Variants in HPSE2 observed in about 807,000 individuals in gnomAD.
HPSE2 encodes heparanase 2 (inactive), also known as inactive heparanase-2.
HPSE2 carries 38 observed loss-of-function variants against 60.5 expected under a neutral mutation model. The observed-to-expected ratio is 0.63, with a 90% CI of 0.48 to 0.82. The LOEUF (loss-of-function observed/expected upper bound fraction) is 0.82, where lower values mean the gene tolerates loss of function less well. Among genes scored for constraint, HPSE2 ranks in the 40% least tolerant of loss-of-function variants. HPSE2 has a pLI of 0.00. For missense variants in HPSE2, 713 were observed against 740.4 expected, an observed-to-expected ratio of 0.96 and a Z score of 0.43; for synonymous variants, 295 against 293.2, an observed-to-expected ratio of 1.01 and a Z score of -0.06.
chr10:98,947,710 G>A lies in HPSE2; in HGVS notation c.610+196528C>T, dbSNP rs1955228658. Among the ~76,000 whole-genome samples the A allele has an allele frequency of 2.1e-5, 3 of 142,620 alleles. No homozygotes were observed. The South Asian group carries it at 7.1e-4, about 34-fold the overall frequency. The allele number at this position is 142,620 out of a possible 152,430, so 93.6% of individuals were successfully genotyped here. On this transcript the variant is annotated intron_variant, in intron 3 of 11. Coordinates refer to ENST00000370552, the MANE Select transcript of HPSE2 (RefSeq NM_021828.5). Reference sequence around the variant, plus strand: ...TTGGTGTAAATACAGTAGGGTTTATGAACAGGACTGCCCCTATCTATGAAG... The same window carrying A: ...TTGGTGTAAATACAGTAGGGTTTATAAACAGGACTGCCCCTATCTATGAAG...
At chr10:99,303,618 C>A in the HPSE2 span, among the ~76,000 whole-genome samples, 6 of 152,280 alleles carry the variant, frequency 3.9e-5, no homozygotes, top group Admixed American at 2.6e-4. Context: ...TGGGTACACC[C>A]GTCCAGGATT....
At chr10:98,778,659 G>A (rs534897082) in intron 3 of HPSE2, among the ~76,000 whole-genome samples, 7 of 152,258 alleles carry the variant, frequency 4.6e-5, no homozygotes, top group South Asian at 4.1e-4. Flanking sequence ...AATGGATGCC[G>A]AGGCAATGCA....
intron 3 of HPSE2, among the ~76,000 whole-genome samples, chr10:99,077,279 T>C (rs1335392350): frequency 6.6e-6 from 1 of 152,194 alleles, no homozygotes; most frequent in African/African-American, 2.4e-5. Context: ...TTTTCAGCCA[T>C]TACTTCTTTG....
intron 9 of HPSE2, among the ~76,000 whole-genome samples, chr10:98,542,662 C>T (rs372742314): frequency 0.037 from 5,573 of 151,048 alleles, 278 homozygotes; most frequent in African/African-American, 0.13. Context: ...AACCAAGGCT[C>T]GAGAACTACG....
At chr10:98,891,657 T>G (rs1279094628) in intron 3 of HPSE2, among the ~76,000 whole-genome samples, 1 of 152,152 alleles carries the variant, frequency 6.6e-6, no homozygotes, top group Non-Finnish European at 1.5e-5. Context: ...GGTCTCACTG[T>G]GTTGCCCAAG....
chr10:98,638,139 A>AAT (rs1946546507), intron 7 of HPSE2, among the ~76,000 whole-genome samples: 1 of 125,460 alleles, frequency 8.0e-6, no homozygotes, highest in Non-Finnish European at 1.6e-5. Context: ...ACCCATCTCA[A>AAT]AAAAAAAAAA....
In HPSE2 at chr10:98,694,055, G is replaced by C. The variant is rs977262943; in HGVS notation, c.957-108C>G. ...ATTAGACCAATCCTTAAGCAGGTAT[G>C]CTTTCTGAGAGGATCCTCCATAGCC... On this transcript the variant is annotated intron_variant, in intron 5 of 11. Coordinates refer to ENST00000370552, the MANE Select transcript of HPSE2 (RefSeq NM_021828.5). 3 of 899,238 alleles carry C rather than the reference G, an allele frequency of 3.3e-6. No individual in the cohort carries two copies. The African/African-American group carries it at 4.9e-5, about 15-fold the overall frequency. 55.7% of individuals were successfully genotyped at this position (899,238 alleles called of 1,614,324 possible). A position where few individuals can be genotyped will look rare whatever the true frequency, so the allele number is the denominator to read the frequency against.
chr10:98,688,568 C>T (rs939029892), intron 6 of HPSE2, among the ~76,000 whole-genome samples: 3 of 148,628 alleles, frequency 2.0e-5, no homozygotes, highest in Non-Finnish European at 3.0e-5. Context: ...CTCCGCCTCT[C>T]GGGTTCAAGT....
intron 5 of HPSE2, among the ~76,000 whole-genome samples, chr10:98,719,950 G>A (rs943467656): frequency 6.6e-6 from 1 of 151,896 alleles, no homozygotes; most frequent in East Asian, 1.9e-4. Context: ...GCAGTGAGCC[G>A]AGATCATGCC....
chr10:98,984,494 G>T (rs191521277), intron 3 of HPSE2, among the ~76,000 whole-genome samples: 1 of 152,112 alleles, frequency 6.6e-6, no homozygotes, highest in African/African-American at 2.4e-5. Context: ...CCATCTGTAC[G>T]TCACCATCAT....
intron 3 of HPSE2, among the ~76,000 whole-genome samples, chr10:98,966,395 C>G (rs567150802): frequency 2.0e-5 from 3 of 152,260 alleles, no homozygotes; most frequent in East Asian, 1.9e-4. Context: ...AGAGAAGCAG[C>G]ATAAGGTGGC....
Position 98,844,085 on chromosome 10 carries a change from A to G in HPSE2, c.611-100029T>C, listed in dbSNP as rs1242065251. The stretch of plus-strand genomic sequence containing the variant: ...CAATATTGAACGTGATTCTACTTCT[A>G]AGCTATGTGGCCTTGGGCAAGTCAC... On this transcript the variant is annotated intron_variant, in intron 3 of 11. Transcript: ENST00000370552. Among the ~76,000 whole-genome samples the G allele has an allele frequency of 3.9e-5, 6 of 152,064 alleles. 1 individual carries two copies. Among genetic ancestry groups the G allele is most frequent in the Non-Finnish European group, 7.4e-5 (5 of 68,010 alleles).
chr10:99,091,498 G>A (rs1359749274), intron 3 of HPSE2, among the ~76,000 whole-genome samples: 1 of 151,966 alleles, frequency 6.6e-6, no homozygotes, highest in Non-Finnish European at 1.5e-5. Context: ...TTTTTTAAAA[G>A]CCCAGCCACT....
chr10:98,856,953 T>G (rs1191774025), intron 3 of HPSE2, among the ~76,000 whole-genome samples: 1 of 152,218 alleles, frequency 6.6e-6, no homozygotes, highest in African/African-American at 2.4e-5. Context: ...ATGGGCAATC[T>G]AGTTTTTCCA....
chr10:98,982,339 C>T (rs566614567), intron 3 of HPSE2, among the ~76,000 whole-genome samples: 1 of 152,240 alleles, frequency 6.6e-6, no homozygotes, highest in South Asian at 2.1e-4. Flanking sequence ...AAAACATACA[C>T]ACACAACACA....
chr10:98,899,396 A>G (rs556361010), intron 3 of HPSE2, among the ~76,000 whole-genome samples: 3 of 152,332 alleles, frequency 2.0e-5, no homozygotes, highest in African/African-American at 4.8e-5. Context: ...AGGGAGAAAA[A>G]TATTTACAAA....
At chr10:99,015,079 A>T (rs576672462) in intron 3 of HPSE2, among the ~76,000 whole-genome samples, 4 of 152,290 alleles carry the variant, frequency 2.6e-5, no homozygotes, top group East Asian at 1.9e-4. Context: ...GCTCATCATC[A>T]CTGGCCATCA....
chr10:99,102,520 C>G (rs1357077381), intron 3 of HPSE2, among the ~76,000 whole-genome samples: 1 of 152,124 alleles, frequency 6.6e-6, no homozygotes, highest in African/African-American at 2.4e-5. Flanking sequence ...AGGCCAGGAC[C>G]AGATGGATTC....
chr10:98,964,885 A>C (rs757926585), intron 3 of HPSE2, among the ~76,000 whole-genome samples: 6 of 152,066 alleles, frequency 3.9e-5, no homozygotes, highest in Non-Finnish European at 8.8e-5. Context: ...TTTCTCTCTT[A>C]ATGGAGGTAA....
Sources: allele counts gnomAD v4.1 joint callset (sites outside exome capture counted in the v4.1 genomes callset), GRCh38; gene constraint gnomAD v4.1.1; transcripts MANE v1.5; gene names NCBI Gene and HGNC (gene_info 2026-07-23, HGNC 2026-07-21).